Variants in NELL2 observed in about 807,000 individuals in gnomAD.
The protein encoded by NELL2 is neural EGFL like 2, also known as protein kinase C-binding protein NELL2.
In NELL2, 41 loss-of-function variants were observed where a neutral mutation model predicts 109.6. The observed-to-expected ratio is 0.37, with a 90% confidence interval of 0.29 to 0.49. NELL2 has a LOEUF of 0.49. NELL2 is among the 20% of genes least tolerant of loss of function. The probability of loss-of-function intolerance (pLI) is 0.98; values close to 1 mark genes in which losing one functional copy is unlikely to be tolerated. For missense variants in NELL2, 900 were observed against 1,008.3 expected (o/e 0.89, Z 1.45); for synonymous variants, 355 against 344.7 (o/e 1.03, Z -0.33).
chr12:44,719,146 T>C (rs1044249387), intron 9 of NELL2, among the ~76,000 whole-genome samples: 2 of 152,128 alleles, frequency 1.3e-5, no homozygotes, highest in African/African-American at 4.8e-5. Flanking sequence ...ATAAAAACGA[T>C]TAACAGCAAA....
chr12:44,634,043 T>C (rs1178724070), intron 13 of NELL2, among the ~76,000 whole-genome samples: 2 of 152,158 alleles, frequency 1.3e-5, no homozygotes, highest in African/African-American at 4.8e-5. Context: ...TCCAATTCCT[T>C]CTTCTACTAT....
chr12:44,757,109 T>C (rs774042596), intron 9 of NELL2, among the ~76,000 whole-genome samples: 2 of 152,174 alleles, frequency 1.3e-5, no homozygotes, highest in African/African-American at 2.4e-5. Context: ...AAGTCTGAAA[T>C]ATGAAATTCA....
At chr12:44,586,336 C>T (rs1944501516) in intron 15 of NELL2, among the ~76,000 whole-genome samples, 1 of 149,430 alleles carries the variant, frequency 6.7e-6, no homozygotes. Flanking sequence ...TCATATATAT[C>T]GTATGTATGT....
chr12:44,781,843 A>T (rs189288511), intron 3 of NELL2, among the ~76,000 whole-genome samples: 46 of 152,196 alleles, frequency 3.0e-4, no homozygotes, highest in Non-Finnish European at 2.1e-4. Context: ...ACATTCTCAG[A>T]TAAAGGAAAA....
intron 18 of NELL2, among the ~76,000 whole-genome samples, chr12:44,521,487 G>GCCCA: frequency 6.7e-6 from 1 of 148,736 alleles, no homozygotes; most frequent in Non-Finnish European, 1.5e-5. Flanking sequence ...CCGAGATGGT[G>GCCCA]CCACTGCACT....
intron 2 of NELL2, among the ~76,000 whole-genome samples, chr12:44,833,299 C>A (rs185637117): frequency 6.6e-5 from 10 of 152,270 alleles, no homozygotes; most frequent in Admixed American, 6.5e-4. Flanking sequence ...AATTATACTG[C>A]AATAAAAATT....
chr12:44,788,806 G>A (rs11532517), intron 3 of NELL2, among the ~76,000 whole-genome samples: 2,938 of 152,202 alleles, frequency 0.019, 82 homozygotes, highest in African/African-American at 0.057. Flanking sequence ...AAACAGACTC[G>A]GGGCTGTTGG....
chr12:44,810,679 G>C (rs1366225610), intron 3 of NELL2, among the ~76,000 whole-genome samples: 2 of 152,068 alleles, frequency 1.3e-5, no homozygotes, highest in African/African-American at 2.4e-5. Context: ...GCCAGCTCCA[G>C]CAAACCACTG....
At chr12:44,594,747 G>A (rs767990082) in intron 15 of NELL2, among the ~76,000 whole-genome samples, 2 of 151,998 alleles carry the variant, frequency 1.3e-5, no homozygotes, top group African/African-American at 2.4e-5. Flanking sequence ...TCCCCATTCT[G>A]CTTCTACATT....
chr12:44,637,588 T>C lies in NELL2; in HGVS notation c.1445-26618A>G, dbSNP rs1194652686. Among the ~76,000 whole-genome samples the C allele has an allele frequency of 3.4e-5, 5 of 145,620 alleles. No individual in the cohort carries two copies. In the South Asian group the frequency reaches 9.2e-4, roughly 27 times the overall value. ...GATCTAAAGTATGAGTTGCAATTAA[T>C]CCAGCAAGAACAAGAGAAAAAATTG... On this transcript the variant is annotated intron_variant, in intron 13 of 19. Coordinates refer to ENST00000429094, the MANE Select transcript of NELL2 (RefSeq NM_001145108.2).
chr12:44,698,650 G>A (rs1949132404), intron 12 of NELL2, among the ~76,000 whole-genome samples: 1 of 152,180 alleles, frequency 6.6e-6, no homozygotes, highest in Non-Finnish European at 1.5e-5. Flanking sequence ...TTAGGTACTT[G>A]GAGGTGGGCT....
chr12:44,877,764 C>T (rs895949127), upstream of NELL2, among the ~76,000 whole-genome samples: 1 of 151,822 alleles, frequency 6.6e-6, no homozygotes, highest in Non-Finnish European at 1.5e-5. Flanking sequence ...TTTTAATTCT[C>T]TCTTATCGAA....
chr12:44,880,114 TACACACAC>T (rs747220208), upstream of NELL2, among the ~76,000 whole-genome samples: 2 of 137,056 alleles, frequency 1.5e-5, no homozygotes, highest in South Asian at 2.7e-4. Context: ...TCAAGAAACA[TACACACAC>T]ACACACACAC....
At chr12:44,586,671 T>G (rs1413683023) in intron 15 of NELL2, among the ~76,000 whole-genome samples, 1 of 152,218 alleles carries the variant, frequency 6.6e-6, no homozygotes, top group African/African-American at 2.4e-5. Flanking sequence ...ATACTTTTTC[T>G]CACAGAGTTG....
intron 15 of NELL2, among the ~76,000 whole-genome samples, chr12:44,605,633 T>C (rs1404433630): frequency 6.6e-6 from 1 of 152,216 alleles, no homozygotes; most frequent in Non-Finnish European, 1.5e-5. Context: ...GGAAGAATCC[T>C]GTGCAGGATT....
Position 44,576,186 on chromosome 12 carries a change from C to T in NELL2, c.1663+30983G>A, listed in dbSNP as rs538678740. On this transcript the variant is annotated intron_variant, in intron 15 of 19. Transcript: ENST00000429094. ...ACCTCAGTAAAGCATTCAGGCATCC[C>T]TGAGTAGATCAAATCCCCCATCCCA... Among the ~76,000 whole-genome samples, 17 of 152,336 alleles carry T rather than the reference C, an allele frequency of 1.1e-4. No homozygotes were observed. In the South Asian group the frequency reaches 1.9e-3, roughly 17 times the overall value.
chr12:44,853,423 G>A (rs886297316), intron 2 of NELL2, among the ~76,000 whole-genome samples: 3 of 152,100 alleles, frequency 2.0e-5, no homozygotes, highest in African/African-American at 4.8e-5. Flanking sequence ...GAATTCTTTA[G>A]AGTCAAATTT....
upstream of NELL2, among the ~76,000 whole-genome samples, chr12:44,916,564 G>A (rs1036737492): frequency 1.3e-5 from 2 of 151,946 alleles, no homozygotes; most frequent in Non-Finnish European, 2.9e-5. Context: ...AAAATCTCTA[G>A]AGCCATCTTT....
chr12:44,875,245 G>C lies in NELL2; in HGVS notation c.164C>G (p.Thr55Arg). ...VRQVPGLHNG[T>R]KAFLFQDTPR... ...CATACCTTGAAAGAGAAAGGCTTTCGTCCCATTATGCAGCCCCGGGACCTG... is the reference window on the plus strand; with the variant it reads ...CATACCTTGAAAGAGAAAGGCTTTCCTCCCATTATGCAGCCCCGGGACCTG... The change falls in exon 2 of 20, where the codon ACG becomes AGG. Residue 55 changes from threonine (T) to arginine (R), a missense_variant. Thr to Arg is a moderately conservative substitution (Grantham distance 71). This residue lies in a region of NELL2 where 200 missense variants were observed against 191.8 expected (regional missense o/e 1.04). Transcript: ENST00000429094. 2 of 1,613,716 alleles carry C rather than the reference G, an allele frequency of 1.2e-6. No homozygotes were observed. The highest frequency in any genetic ancestry group is 1.3e-5 in the African/African-American group (1 of 75,014).
Sources: gnomAD v4.1 joint callset for allele counts (sites outside exome capture counted in the v4.1 genomes callset) on GRCh38, gnomAD v4.1.1 for gene constraint, gnomAD v4.1.1 regional missense constraint, MANE v1.5 for transcripts, NCBI Gene and HGNC (gene_info 2026-07-23, HGNC 2026-07-21) for gene names.